Variants in THSD7B observed in about 807,000 individuals in gnomAD.
THSD7B encodes the protein thrombospondin type 1 domain containing 7B, also known as thrombospondin type-1 domain-containing protein 7B.
Under a neutral mutation model 213.6 loss-of-function variants are expected in THSD7B, and 138 were observed. The observed-to-expected ratio is 0.65, with a 90% CI of 0.56 to 0.74. THSD7B has a LOEUF of 0.74. Among genes scored for constraint, THSD7B ranks in the 30% least tolerant of loss-of-function variants. THSD7B has a pLI of 0.00. For synonymous variants in THSD7B, 742 were observed against 687.0 expected, an observed-to-expected ratio of 1.08 and a Z score of -1.25; for missense variants, 1,931 against 1,991.5, an observed-to-expected ratio of 0.97 and a Z score of 0.58.
chr2:137,131,661 G>C lies in THSD7B; in HGVS notation c.1369+16368G>C, dbSNP rs184385744. Among the ~76,000 whole-genome samples, 8 of 152,244 alleles carry C rather than the reference G, an allele frequency of 5.3e-5. No individual in the cohort carries two copies. In the East Asian group the frequency reaches 7.7e-4, roughly 15 times the overall value. On this transcript the variant is annotated intron_variant, in intron 5 of 27. Transcript: ENST00000409968. Reference sequence around the variant, plus strand: ...AATCCTTTCCCCATTGCTTGTTTTTGTCAGATTTGTCAAATATCAGATAGT... The same window carrying C: ...AATCCTTTCCCCATTGCTTGTTTTTCTCAGATTTGTCAAATATCAGATAGT...
At chr2:137,124,576 G>A (rs1365236355) in intron 5 of THSD7B, among the ~76,000 whole-genome samples, 3 of 151,956 alleles carry the variant, frequency 2.0e-5, no homozygotes, top group Admixed American at 6.6e-5. Flanking sequence ...AAGGGGGGAG[G>A]GATTTATTCC....
At chr2:137,556,059 C>T (rs113853247) in intron 15 of THSD7B, among the ~76,000 whole-genome samples, 218 of 152,242 alleles carry the variant, frequency 1.4e-3, no homozygotes, top group African/African-American at 5.0e-3. Flanking sequence ...ACCAAATCTA[C>T]GTCTAATTGG....
At chr2:136,945,824 G>A (rs969534084) in intron 2 of THSD7B, among the ~76,000 whole-genome samples, 1 of 152,124 alleles carries the variant, frequency 6.6e-6, no homozygotes, top group African/African-American at 2.4e-5. Context: ...GCTCCATCAG[G>A]TCATTTAAGG....
At chr2:137,353,184 G>A (rs1019036436) in intron 12 of THSD7B, among the ~76,000 whole-genome samples, 1 of 152,104 alleles carries the variant, frequency 6.6e-6, no homozygotes, top group African/African-American at 2.4e-5. Context: ...AATGTCAGCA[G>A]TAAGTGGAGA....
intron 15 of THSD7B, among the ~76,000 whole-genome samples, chr2:137,475,477 C>G (rs138856794): frequency 6.6e-6 from 1 of 152,106 alleles, no homozygotes; most frequent in Non-Finnish European, 1.5e-5. Context: ...CTCTCTTTAT[C>G]CCTCACATCT....
chr2:136,962,775 T>C (rs1167982509), intron 2 of THSD7B, among the ~76,000 whole-genome samples: 1 of 152,216 alleles, frequency 6.6e-6, no homozygotes, highest in Non-Finnish European at 1.5e-5. Flanking sequence ...TAAACATTTT[T>C]CTGTGAAATA....
chr2:136,967,757 A>C (rs1388406894), intron 2 of THSD7B, among the ~76,000 whole-genome samples: 5 of 152,120 alleles, frequency 3.3e-5, no homozygotes, highest in Non-Finnish European at 1.5e-5. Context: ...AGAGGAAAGC[A>C]CTTTCCTTGA....
chr2:136,957,131 G>C (rs1200654305), intron 2 of THSD7B, among the ~76,000 whole-genome samples: 2 of 152,168 alleles, frequency 1.3e-5, no homozygotes, highest in African/African-American at 4.8e-5. Context: ...TCAGGGGGGA[G>C]CATGTGACTT....
At chr2:137,365,715 G>A (rs1307920713) in intron 12 of THSD7B, among the ~76,000 whole-genome samples, 1 of 152,126 alleles carries the variant, frequency 6.6e-6, no homozygotes, top group Non-Finnish European at 1.5e-5. Flanking sequence ...CAGTTAGAAT[G>A]GCAATCATTA....
intron 20 of THSD7B, among the ~76,000 whole-genome samples, chr2:137,627,760 GA>G (rs1682658728): frequency 6.6e-6 from 1 of 152,170 alleles, no homozygotes; most frequent in Non-Finnish European, 1.5e-5. Flanking sequence ...CACTCATAAT[GA>G]AAACATGGGA....
At chr2:136,980,012 A>G (rs541584813) in intron 2 of THSD7B, among the ~76,000 whole-genome samples, 1 of 150,592 alleles carries the variant, frequency 6.6e-6, no homozygotes, top group African/African-American at 2.4e-5. Context: ...TTTTAAACAG[A>G]CTCATTTTCC....
intron 2 of THSD7B, among the ~76,000 whole-genome samples, chr2:136,893,489 TACAA>T (rs1017072066): frequency 1.4e-5 from 2 of 142,890 alleles, no homozygotes; most frequent in Admixed American, 7.0e-5. Flanking sequence ...ACTATATAAA[TACAA>T]ACAAAGGTCA....
At chr2:137,575,431 A>C (rs1171893352) in intron 17 of THSD7B, among the ~76,000 whole-genome samples, 1 of 152,068 alleles carries the variant, frequency 6.6e-6, no homozygotes, top group Non-Finnish European at 1.5e-5. Flanking sequence ...CCATTACTGA[A>C]ACATGACTTA....
chr2:137,163,502 A>G (rs1680059361), intron 6 of THSD7B, among the ~76,000 whole-genome samples: 1 of 152,182 alleles, frequency 6.6e-6, no homozygotes, highest in East Asian at 1.9e-4. Flanking sequence ...ATGAAGATGA[A>G]GGCAGACATT....
chr2:136,935,496 A>G (rs1684706727), intron 2 of THSD7B, among the ~76,000 whole-genome samples: 2 of 152,130 alleles, frequency 1.3e-5, no homozygotes, highest in East Asian at 1.9e-4. Flanking sequence ...GAAGATTTGA[A>G]TATGTTCTGA....
intron 2 of THSD7B, among the ~76,000 whole-genome samples, chr2:136,939,518 C>G (rs942054341): frequency 6.6e-6 from 1 of 152,152 alleles, no homozygotes. Context: ...TGGGAGAATT[C>G]CTGTCAGGTT....
chr2:137,283,030 A>G (rs1246106067), intron 12 of THSD7B, among the ~76,000 whole-genome samples: 3 of 152,066 alleles, frequency 2.0e-5, no homozygotes, highest in South Asian at 2.1e-4. Flanking sequence ...GATTCTTCCT[A>G]CCCATGAGCA....
At chr2:137,205,023 G>A (rs1680953551) in intron 7 of THSD7B, among the ~76,000 whole-genome samples, 1 of 151,988 alleles carries the variant, frequency 6.6e-6, no homozygotes, top group Non-Finnish European at 1.5e-5. Flanking sequence ...CCACACGGAT[G>A]ACCCAAAAGT....
At chr2:137,301,308 C>T (rs1295185021) in intron 12 of THSD7B, among the ~76,000 whole-genome samples, 3 of 152,058 alleles carry the variant, frequency 2.0e-5, no homozygotes, top group Non-Finnish European at 4.4e-5. Context: ...ATGATTGTTT[C>T]ATTATTCCAT....
Sources: gnomAD v4.1 joint callset for allele counts (sites outside exome capture counted in the v4.1 genomes callset) on GRCh38, gnomAD v4.1.1 for gene constraint, MANE v1.5 for transcripts, NCBI Gene and HGNC (gene_info 2026-07-23, HGNC 2026-07-21) for gene names.